The following SNAPC3 variants were observed in gnomAD, a reference collection of about 807,000 sequenced individuals.
SNAPC3 encodes small nuclear RNA activating complex polypeptide 3, also known as snRNA-activating protein complex subunit 3.
Under a neutral mutation model 47.7 loss-of-function variants are expected in SNAPC3, and 56 were observed. The observed-to-expected ratio is 1.18, with a 90% CI of 0.95 to 1.47. The LOEUF is 1.47. Ranked by LOEUF, SNAPC3 falls within the 40% of genes most tolerant of loss-of-function variation. The pLI, the probability that SNAPC3 is intolerant of heterozygous loss-of-function variation, is 0.00. For missense variants in SNAPC3, 665 were observed against 511.3 expected, an observed-to-expected ratio of 1.30 and a Z score of -2.90; for synonymous variants, 235 against 189.9, an observed-to-expected ratio of 1.24 and a Z score of -1.95.
chr9:15,457,987 T>C lies in SNAPC3; in HGVS notation c.1008T>C (p.Asp336=). ...TTGTGCATCATGATGACTGCTTGGA[T>C]AGGACATTGTATCCCCTCCTTATCA... ...IRLVHHDDCL[D]RTLYPLLIKK... The change falls in exon 8 of 9, where the codon GAT becomes GAC. Residue 336 remains aspartate (D), a synonymous_variant. Transcript: ENST00000380821. 1 of 1,591,680 alleles carries C rather than the reference T, an allele frequency of 6.3e-7. No individual in the cohort carries two copies. Among genetic ancestry groups the C allele is most frequent in the Non-Finnish European group, 8.5e-7 (1 of 1,172,712 alleles).
chr9:15,437,770 C>G (rs527500691), intron 3 of SNAPC3, among the ~76,000 whole-genome samples: 113 of 152,140 alleles, frequency 7.4e-4, no homozygotes, highest in African/African-American at 2.6e-3. Context: ...TAAAAAGTAC[C>G]TTTTCTTATC....
chr9:15,458,436 A>C (rs1387667457), intron 8 of SNAPC3, among the ~76,000 whole-genome samples: 1 of 152,178 alleles, frequency 6.6e-6, no homozygotes, highest in Non-Finnish European at 1.5e-5. Context: ...ATTACCATAA[A>C]GGGATTTGGG....
chr9:15,463,051 T>C (rs373684056), downstream of SNAPC3: 6 of 152,106 alleles, frequency 3.9e-5, no homozygotes, highest in East Asian at 9.7e-4. Context: ...ATCATATTAT[T>C]TGAAATCACT....
At chr9:15,444,782 A>T in intron 4 of SNAPC3, 76 bp downstream of exon 4, 1 of 776,258 alleles carries the variant, frequency 1.3e-6, no homozygotes, top group Admixed American at 2.3e-5. Context: ...GAAGAGTCAT[A>T]TTCCTATGCT....
chr9:15,464,141 G>C (rs768304775), downstream of SNAPC3: 5 of 183,358 alleles, frequency 2.7e-5, no homozygotes, highest in Non-Finnish European at 4.6e-5. Context: ...ATCTAAGTAA[G>C]TTAAAACTGT....
intron 3 of SNAPC3, among the ~76,000 whole-genome samples, chr9:15,439,411 G>A (rs920033068): frequency 6.6e-6 from 1 of 152,140 alleles, no homozygotes; most frequent in East Asian, 1.9e-4. Flanking sequence ...TTTTAGAGGT[G>A]GGTCTTGCTC....
rs570043433 is a variant in SNAPC3, at chr9:15,460,076, A to G, written c.*210A>G. 1.3e-5 allele frequency: 5 copies of G among 383,320 alleles called. No individual in the cohort carries two copies. The Admixed American group carries it at 2.2e-4, about 17-fold the overall frequency. The allele number at this position is 383,320 out of a possible 1,614,324, so 23.7% of individuals were successfully genotyped here. The stretch of plus-strand genomic sequence containing the variant: ...TAATTTTATATTTATTCCAGATAGT[A>G]TTTAATTTAGTGCTTTTTACCCATT... On this transcript the variant is annotated 3_prime_UTR_variant, in exon 9 of 9. Coordinates refer to ENST00000380821, the MANE Select transcript of SNAPC3 (RefSeq NM_001039697.2).
chr9:15,443,479 G>T (rs959868545), intron 3 of SNAPC3, among the ~76,000 whole-genome samples: 17 of 151,888 alleles, frequency 1.1e-4, no homozygotes, highest in African/African-American at 4.1e-4. Flanking sequence ...AACGATTATT[G>T]TAGCACGTGT....
chr9:15,434,042 C>G (rs1156707597), intron 3 of SNAPC3, among the ~76,000 whole-genome samples: 2 of 152,146 alleles, frequency 1.3e-5, no homozygotes, highest in Non-Finnish European at 2.9e-5. Flanking sequence ...CTAGTAGACA[C>G]GATAGGTTCA....
intron 2 of SNAPC3, among the ~76,000 whole-genome samples, chr9:15,429,531 C>T (rs2031872408): frequency 6.6e-6 from 1 of 151,084 alleles, no homozygotes; most frequent in South Asian, 2.1e-4. Flanking sequence ...TTAAAGACTA[C>T]TGCAGAGGAA....
chr9:15,441,378 C>CTTTTTTTTTTTTTTTTTTTTTTT (rs1351664407), intron 3 of SNAPC3, among the ~76,000 whole-genome samples: 4 of 40,506 alleles, frequency 9.9e-5, no homozygotes, highest in African/African-American at 3.0e-4. Flanking sequence ...CAAGAGTTCC[C>CTTTTTTTTTTTTTTTTTTTTTTT]TTTTCTTTTT....
intron 2 of SNAPC3, among the ~76,000 whole-genome samples, chr9:15,424,745 A>T (rs755579013): frequency 6.6e-6 from 1 of 152,350 alleles, no homozygotes; most frequent in South Asian, 2.1e-4. Context: ...AGTGAAATTT[A>T]TAATTTCCAA....
intron 6 of SNAPC3, 135 bp from the exon 7 acceptor site, chr9:15,452,906 C>T (rs1587378823): frequency 7.7e-6 from 5 of 653,106 alleles, no homozygotes; most frequent in Non-Finnish European, 1.3e-5. Flanking sequence ...ACATTTTGGT[C>T]TTCATCTCAA....
chr9:15,462,051 C>G (rs1376777742), downstream of SNAPC3: 1 of 152,074 alleles, frequency 6.6e-6, no homozygotes, highest in African/African-American at 2.4e-5. Context: ...CCTTATAGGT[C>G]TTACATGCAT....
chr9:15,423,123 G>C lies in SNAPC3; in HGVS notation c.244G>C (p.Glu82Gln). ...GAGCCAGGCAGCTGACTCCGACCGG[G>C]AGGATGCCGCGGTGGCCAGGGATCT... is the stretch of plus-strand genomic sequence containing the variant. ...PGSQAADSDR[E>Q]DAAVARDLDC... The change falls in exon 1 of 9, where the codon GAG (glutamate) becomes CAG (glutamine). Residue 82 changes from glutamate (E) to glutamine (Q), a missense_variant. Glu to Gln is a conservative substitution (Grantham distance 29). Coordinates refer to ENST00000380821, the MANE Select transcript of SNAPC3 (RefSeq NM_001039697.2). 6.4e-7 allele frequency: 1 copy of C among 1,556,976 alleles called. No homozygotes were observed. The highest frequency in any genetic ancestry group is 8.6e-7 in the Non-Finnish European group (1 of 1,162,878).
rs1464025699 is a variant in SNAPC3, at chr9:15,461,128, C to T, written c.*1262C>T. ...CTATAGTAATTCTAGTTACTCTCAT[C>T]TTATTCTGAGGAAAAAAAAAAAAAC... On this transcript the variant is annotated 3_prime_UTR_variant, in exon 9 of 9. Coordinates refer to ENST00000380821, the MANE Select transcript of SNAPC3 (RefSeq NM_001039697.2). 1 of 150,512 alleles carries T rather than the reference C, an allele frequency of 6.6e-6. No homozygotes were observed. The highest frequency in any genetic ancestry group is 2.4e-5 in the African/African-American group (1 of 40,962). The allele number at this position is 150,512 out of a possible 1,614,324, so 9.3% of individuals were successfully genotyped here. A position where few individuals can be genotyped will look rare whatever the true frequency, so the allele number is the denominator to read the frequency against.
chr9:15,464,493 C>T (rs1289250942), downstream of SNAPC3: 4 of 200,746 alleles, frequency 2.0e-5, no homozygotes, highest in African/African-American at 6.9e-5. Context: ...CGTCAATGTA[C>T]AGACTTATCA....
At chr9:15,441,378 C>CTTTTTTTTTTTTTTTTTTT in intron 3 of SNAPC3, among the ~76,000 whole-genome samples, 1 of 40,526 alleles carries the variant, frequency 2.5e-5, no homozygotes, top group African/African-American at 7.6e-5. Context: ...CAAGAGTTCC[C>CTTTTTTTTTTTTTTTTTTT]TTTTCTTTTT....
chr9:15,461,679 T>G (rs1432712759), downstream of SNAPC3: 1 of 152,236 alleles, frequency 6.6e-6, no homozygotes, highest in African/African-American at 2.4e-5. Context: ...AACAGACATT[T>G]ATCTTACACA....
Sources: gnomAD v4.1 joint callset for allele counts (sites outside exome capture counted in the v4.1 genomes callset) on GRCh38, gnomAD v4.1.1 for gene constraint, MANE v1.5 for transcripts, NCBI Gene and HGNC (gene_info 2026-07-23, HGNC 2026-07-21) for gene names.